Variants in SYT7 observed in about 807,000 individuals in gnomAD.
The protein encoded by SYT7 is synaptotagmin 7, also known as synaptotagmin-7.
In SYT7, 29 loss-of-function variants were observed where a neutral mutation model predicts 75.1. The observed-to-expected ratio is 0.39, with a 90% CI of 0.29 to 0.53. The LOEUF is 0.53. Among genes scored for constraint, SYT7 ranks in the 20% least tolerant of loss-of-function variants. SYT7 has a pLI of 0.77. For synonymous variants in SYT7, 376 were observed against 401.7 expected, an observed-to-expected ratio of 0.94 and a Z score of 0.76; for missense variants, 693 against 953.2, an observed-to-expected ratio of 0.73 and a Z score of 3.59.
chr11:61,534,823 G>A (rs140767628), intron 7 of SYT7, among the ~76,000 whole-genome samples: 14 of 150,270 alleles, frequency 9.3e-5, no homozygotes, highest in Non-Finnish European at 1.9e-4. Context: ...ACATGGACAT[G>A]TGGACACGCA....
chr11:61,541,328 G>A (rs1176496800), intron 6 of SYT7: 1 of 984,924 alleles, frequency 1.0e-6, no homozygotes, highest in Non-Finnish European at 1.2e-6. Context: ...GGGCAAAGGA[G>A]GGGGGTGATG....
In SYT7 at chr11:61,542,192, G is replaced by A. The variant is rs185626654; in HGVS notation, c.941+19C>T. Reference sequence around the variant, plus strand: ...GGGTCAGGGAGGTGGGGGCCGGCCCGCTCAAGGGGAGGACTTACAGGAAGG... The same window carrying A: ...GGGTCAGGGAGGTGGGGGCCGGCCCACTCAAGGGGAGGACTTACAGGAAGG... On this transcript the variant is annotated intron_variant, in intron 6 of 12. Transcript: ENST00000539008. This position sits in a 1 kb window ranked among gnomAD's most constrained non-coding sequence, Gnocchi z 7.8. The A allele has an allele frequency of 2.4e-4, 372 of 1,529,864 alleles. No homozygotes were observed. Among genetic ancestry groups the A allele is most frequent in the Admixed American group, 3.0e-4 (15 of 50,454 alleles). The allele number at this position is 1,529,864 out of a possible 1,614,324, so 94.8% of individuals were successfully genotyped here. A position where few individuals can be genotyped will look rare whatever the true frequency, so the allele number is the denominator to read the frequency against.
In SYT7 at chr11:61,523,819, C is replaced by A; in HGVS notation, c.1756+8G>T. 1 of 1,613,416 alleles carries A rather than the reference C, an allele frequency of 6.2e-7. No homozygotes were observed. Among genetic ancestry groups the A allele is most frequent in the Admixed American group, 1.7e-5 (1 of 59,998 alleles). On this transcript the variant is annotated splice_region_variant and intron_variant, in intron 11 of 12. Transcript: ENST00000539008. The surrounding 1 kb of genome is among the most constrained non-coding windows in gnomAD (Gnocchi z 5.0). ...GCCCGCCCATCCTCTGCTGGAGAAG[C>A]CCCGTACCTGATGTGCCCCCGATGT...
chr11:61,533,891 TTGCTGAAGACTG>T (rs2062785723), intron 7 of SYT7, among the ~76,000 whole-genome samples: 1 of 152,104 alleles, frequency 6.6e-6, no homozygotes, highest in Non-Finnish European at 1.5e-5. Flanking sequence ...CTTCTCCCAC[TTGCTGAAGACTG>T]TGCATTTGGT....
intron 7 of SYT7, chr11:61,533,717 C>T: frequency 5.2e-6 from 5 of 969,824 alleles, no homozygotes; most frequent in Non-Finnish European, 6.1e-6. Flanking sequence ...TTTGTGCTGT[C>T]CAGTGGAGCA....
intron 1 of SYT7, among the ~76,000 whole-genome samples, chr11:61,571,252 C>A (rs930361314): frequency 6.6e-6 from 1 of 152,220 alleles, no homozygotes; most frequent in African/African-American, 2.4e-5. Context: ...ACATGGGAAG[C>A]ACACACACAG....
rs1300108208 is a variant in SYT7 at position 61,553,262 on chromosome 11, C to G, written c.136-1799G>C. The stretch of plus-strand genomic sequence containing the variant: ...GGCTGTGCCACAGTGACCTCAGGCC[C>G]CCTTTGGCAGGACCCTCAGGCAGGA... On this transcript the variant is annotated intron_variant, in intron 2 of 12. Transcript: ENST00000539008. The surrounding 1 kb of genome is among the most constrained non-coding windows in gnomAD (Gnocchi z 5.2). 1.3e-5 allele frequency among the ~76,000 whole-genome samples: 2 copies of G among 152,242 alleles called. No individual in the cohort carries two copies. The highest frequency in any genetic ancestry group is 2.9e-5 in the Non-Finnish European group (2 of 68,032).
In SYT7 at chr11:61,514,163, G is replaced by A. The variant is rs2062105092; in HGVS notation, c.*4464C>T. On this transcript the variant is annotated 3_prime_UTR_variant, in exon 13 of 13. Coordinates refer to ENST00000539008, the MANE Select transcript of SYT7 (RefSeq NM_001365809.2). ...AGGGAAGGGCCCGAGCCAGTGGCAA[G>A]GGACTGCCCCCTGTGCTGGGCCTGA... Among the ~76,000 whole-genome samples, 1 of 152,250 alleles carries A rather than the reference G, an allele frequency of 6.6e-6. No individual in the cohort carries two copies. Among genetic ancestry groups the A allele is most frequent in the Admixed American group, 6.5e-5 (1 of 15,288 alleles).
In SYT7 at chr11:61,546,743, C is replaced by T. The variant is rs2063202806; in HGVS notation, c.347+434G>A. On this transcript the variant is annotated intron_variant, in intron 4 of 12. Coordinates refer to ENST00000539008, the MANE Select transcript of SYT7 (RefSeq NM_001365809.2). This position sits in a 1 kb window ranked among gnomAD's most constrained non-coding sequence, Gnocchi z 7.6. ...TCATCACCACCACCACCACCATCAC[C>T]GCCACCACCGCCACGAACCACCGAC... 8 of 424,580 alleles carry T rather than the reference C, an allele frequency of 1.9e-5. No homozygotes were observed. Among genetic ancestry groups the T allele is most frequent in the Admixed American group, 7.9e-5 (3 of 38,190 alleles). The allele number at this position is 424,580 out of a possible 1,614,324, so 26.3% of individuals were successfully genotyped here.
intron 1 of SYT7, among the ~76,000 whole-genome samples, chr11:61,570,736 A>G (rs2063899206): frequency 6.6e-6 from 1 of 152,206 alleles, no homozygotes; most frequent in Non-Finnish European, 1.5e-5. Context: ...ACTGCAATCC[A>G]TGAGGTCCAA....
chr11:61,519,260 G>A (rs1482366719), intron 12 of SYT7, among the ~76,000 whole-genome samples: 2 of 152,256 alleles, frequency 1.3e-5, no homozygotes, highest in South Asian at 2.1e-4. Context: ...GGGTTTATAA[G>A]TGGTGCAGAG....
At position 61,556,139 on chromosome 11, in the gene SYT7, G is replaced by C. The variant is rs144496851; in HGVS notation, c.100C>G (p.Leu34Val). The C allele has an allele frequency of 9.9e-6, 16 of 1,614,044 alleles. No individual in the cohort carries two copies. Among genetic ancestry groups the C allele is most frequent in the Non-Finnish European group, 1.2e-5 (14 of 1,179,960 alleles). ...TGACACCAGTGGCAGAGGCCGCAGA[G>C]GACGACAGTGACGCTAAGGCTGACG... ...ITVSLSVTVV[L>V]CGLCHWCQRK... The change falls in exon 2 of 13, where the codon CTC (leucine) becomes GTC (valine). Residue 34 changes from leucine to valine, a missense_variant. Leu to Val is a conservative substitution (Grantham distance 32, BLOSUM62 1). Transcript: ENST00000539008.
chr11:61,568,368 C>G (rs144105801), intron 1 of SYT7, among the ~76,000 whole-genome samples: 1 of 152,346 alleles, frequency 6.6e-6, no homozygotes, highest in East Asian at 1.9e-4. Flanking sequence ...TCAAGGGAGT[C>G]AAGATAATAG....
upstream of SYT7, among the ~76,000 whole-genome samples, chr11:61,581,387 C>T (rs2064269572): frequency 6.6e-6 from 1 of 151,986 alleles, no homozygotes; most frequent in Admixed American, 6.5e-5. Context: ...CCACCCCCAG[C>T]CCGTGCTCCC....
At chr11:61,535,882 G>A (rs1375059985) in intron 7 of SYT7, among the ~76,000 whole-genome samples, 2 of 152,144 alleles carry the variant, frequency 1.3e-5, no homozygotes, top group African/African-American at 2.4e-5. Flanking sequence ...CAGACCCTGG[G>A]TCTAGAAGGA....
upstream of SYT7, among the ~76,000 whole-genome samples, chr11:61,585,070 T>A (rs1343564292): frequency 1.3e-5 from 2 of 151,984 alleles, no homozygotes; most frequent in African/African-American, 4.8e-5. Context: ...CTGGGTCGGC[T>A]TCAGGGAGGG....
intron 7 of SYT7, among the ~76,000 whole-genome samples, chr11:61,534,426 TAC>T (rs1318531388): frequency 3.4e-5 from 4 of 116,274 alleles, no homozygotes; most frequent in Non-Finnish European, 5.0e-5. Flanking sequence ...CACATGCGCA[TAC>T]ACACACGCAC....
intron 8 of SYT7, among the ~76,000 whole-genome samples, chr11:61,531,916 G>T (rs930043123): frequency 8.2e-6 from 1 of 122,274 alleles, no homozygotes; most frequent in African/African-American, 3.5e-5. Flanking sequence ...AAAAAAAAAA[G>T]CAGGCTCTTA....
chr11:61,560,630 G>A lies in SYT7; in HGVS notation c.32-4423C>T, dbSNP rs77954219. Among the ~76,000 whole-genome samples the A allele has an allele frequency of 4.9e-4, 74 of 152,294 alleles. No homozygotes were observed. In the East Asian group the frequency reaches 0.012, roughly 24 times the overall value. On this transcript the variant is annotated intron_variant, in intron 1 of 12. Coordinates refer to ENST00000539008, the MANE Select transcript of SYT7 (RefSeq NM_001365809.2). ...TGAATAATAGTGACATGATGTCCTC[G>A]GCCAGCATGCCGACATCCTAAGGAG...
Sources: allele counts gnomAD v4.1 joint callset (sites outside exome capture counted in the v4.1 genomes callset), GRCh38; gene constraint gnomAD v4.1.1; non-coding constraint Gnocchi (gnomAD v3.1); transcripts MANE v1.5; gene names NCBI Gene and HGNC (gene_info 2026-07-23, HGNC 2026-07-21).